ACSF3: variants seen among roughly 807,000 people sequenced by gnomAD.
ACSF3 encodes the protein malonate--CoA ligase ACSF3, mitochondrial.
ACSF3 carries 78 observed loss-of-function variants against 53.2 expected under a neutral mutation model. That is an observed-to-expected ratio of 1.47 (90% confidence interval 1.22 to 1.77). The LOEUF is 1.77. ACSF3 is among the 40% of genes most tolerant of loss of function. ACSF3 has a pLI of 0.00. For missense variants in ACSF3, 937 were observed against 771.1 expected, an observed-to-expected ratio of 1.22 and a Z score of -2.55; for synonymous variants, 414 against 333.1, an observed-to-expected ratio of 1.24 and a Z score of -2.65.
intron 1 of ACSF3, among the ~76,000 whole-genome samples, chr16:89,096,411 G>A (rs149795231): frequency 2.0e-3 from 299 of 152,302 alleles, no homozygotes; most frequent in Middle Eastern, 0.014. Context: ...CAGGAAGACC[G>A]CGCACAGCCA....
Position 89,155,132 on chromosome 16 carries a change from G to A in ACSF3, c.*925G>A, listed in dbSNP as rs1396692706. The stretch of plus-strand genomic sequence containing the variant: ...ACCCACGTTGCATTTACTTAGCGGG[G>A]CCAATTCAGATGCACAGGGGCCACA... On this transcript the variant is annotated 3_prime_UTR_variant, in exon 11 of 11. Coordinates refer to ENST00000614302, the MANE Select transcript of ACSF3 (RefSeq NM_001243279.3). 2.2e-6 allele frequency: 1 copy of A among 454,130 alleles called. No homozygotes were observed. Among genetic ancestry groups the A allele is most frequent in the South Asian group, 1.6e-5 (1 of 64,474 alleles). The allele number at this position is 454,130 out of a possible 1,614,324, so 28.1% of individuals were successfully genotyped here. A position where few individuals can be genotyped will look rare whatever the true frequency, so the allele number is the denominator to read the frequency against.
At chr16:89,123,967 A>G (rs1385484089) in intron 7 of ACSF3, among the ~76,000 whole-genome samples, 1 of 152,082 alleles carries the variant, frequency 6.6e-6, no homozygotes, top group Non-Finnish European at 1.5e-5. Flanking sequence ...CACGGATAGC[A>G]CACGTAGTAC....
At chr16:89,137,905 C>G (rs1432726224) in intron 8 of ACSF3, among the ~76,000 whole-genome samples, 1 of 152,200 alleles carries the variant, frequency 6.6e-6, no homozygotes, top group African/African-American at 2.4e-5. Flanking sequence ...GGGGTAGGAG[C>G]AAGAGTCCGC....
intron 5 of ACSF3, 64 bp from the exon 6 acceptor site, chr16:89,114,275 G>T: frequency 6.2e-7 from 1 of 1,606,956 alleles, no homozygotes; most frequent in Non-Finnish European, 8.5e-7. Flanking sequence ...GGCTAAACCT[G>T]CCACCTTTGC....
chr16:89,140,599 T>G (rs1238882218), intron 8 of ACSF3, among the ~76,000 whole-genome samples: 1 of 152,202 alleles, frequency 6.6e-6, no homozygotes, highest in Non-Finnish European at 1.5e-5. Context: ...GGGATCGCGC[T>G]TTGGGTGCTG....
intron 6 of ACSF3, among the ~76,000 whole-genome samples, chr16:89,116,969 C>T (rs892669560): frequency 1.3e-5 from 2 of 152,172 alleles, no homozygotes; most frequent in African/African-American, 4.8e-5. Context: ...GAGTCTCTGT[C>T]CTTATCGTTG....
Position 89,100,732 on chromosome 16 carries a change from G to C in ACSF3, c.51G>C (p.Ala17=), listed in dbSNP as rs7201122. Residue 17 remains alanine (A), a synonymous_variant, in exon 3 of 11, where the codon GCG becomes GCC. Transcript: ENST00000614302. ...TCCGGCGCCTGGGCTGCGCCTTGGC[G>C]TCCTGCCGGCTGGCGCCTGCGAGAC... The part of the protein sequence containing the change: ...LTFRRLGCAL[A]SCRLAPARHR... The C allele has an allele frequency of 0.9, 1,446,877 of 1,604,146 alleles. 655,603 individuals carry two copies. Among genetic ancestry groups the C allele is most frequent in the Admixed American group, 0.94 (56,291 of 59,978 alleles).
In ACSF3 at chr16:89,101,213, G is replaced by A. The variant is rs758434859; in HGVS notation, c.532G>A (p.Ala178Thr). The part of the protein sequence containing the change: ...LPLTPAIYTG[A>T]VEEPAEVPVP... ...GCTCACACCAGCCATCTACACTGGA[G>A]CAGTAGAGGAACCGGCAGAGGTCCC... The change falls in exon 3 of 11, where the codon GCA becomes ACA. Residue 178 changes from alanine to threonine, a missense_variant. Coordinates refer to ENST00000614302, the MANE Select transcript of ACSF3 (RefSeq NM_001243279.3). 14 of 1,605,414 alleles carry A rather than the reference G, an allele frequency of 8.7e-6. No individual in the cohort carries two copies. In the South Asian group the frequency reaches 1.6e-4, roughly 18 times the overall value.
intron 8 of ACSF3, among the ~76,000 whole-genome samples, chr16:89,143,233 A>G (rs920941693): frequency 6.7e-6 from 1 of 149,240 alleles, no homozygotes; most frequent in Non-Finnish European, 1.5e-5. Context: ...CCCCGTGCGT[A>G]GCTGTGGTGC....
In ACSF3 at chr16:89,145,534, G is replaced by T. The variant is rs1038266641; in HGVS notation, c.1501+133G>T. On this transcript the variant is annotated intron_variant, in intron 9 of 10. Coordinates refer to ENST00000614302, the MANE Select transcript of ACSF3 (RefSeq NM_001243279.3). ...GGGGTCCCTGTGATGCTCACCTCTG[G>T]TCCCTGCCCTGGCCAGGGAACATGG... 1.0e-5 allele frequency: 12 copies of T among 1,149,098 alleles called. No homozygotes were observed. In the Admixed American group the frequency reaches 1.3e-4, roughly 13 times the overall value. 71.2% of individuals were successfully genotyped at this position (1,149,098 alleles called of 1,614,324 possible). A position where few individuals can be genotyped will look rare whatever the true frequency, so the allele number is the denominator to read the frequency against.
intron 8 of ACSF3, 51 bp from the exon 9 acceptor site, chr16:89,145,216 G>C: frequency 6.2e-7 from 1 of 1,613,916 alleles, no homozygotes; most frequent in Non-Finnish European, 8.5e-7. Flanking sequence ...TTCCTCAGGG[G>C]ACACCGTGGT....
chr16:89,124,519 G>A (rs1907539249), intron 7 of ACSF3, among the ~76,000 whole-genome samples: 1 of 151,246 alleles, frequency 6.6e-6, no homozygotes, highest in African/African-American at 2.4e-5. Context: ...CATGCTGCAT[G>A]TATGTGTGTG....
chr16:89,152,656 G>T (rs967638677), intron 10 of ACSF3: 2 of 152,158 alleles, frequency 1.3e-5, no homozygotes, highest in Non-Finnish European at 2.9e-5. Context: ...ACATAGGACA[G>T]CTGGGTGTAA....
At chr16:89,142,323 C>T (rs1911927954) in intron 8 of ACSF3, among the ~76,000 whole-genome samples, 1 of 152,168 alleles carries the variant, frequency 6.6e-6, no homozygotes, top group South Asian at 2.1e-4. Flanking sequence ...GGGAGAGACC[C>T]CCAAACAAGG....
chr16:89,130,115 C>G (rs578091452), intron 7 of ACSF3, among the ~76,000 whole-genome samples: 1 of 152,350 alleles, frequency 6.6e-6, no homozygotes, highest in East Asian at 1.9e-4. Flanking sequence ...CAGTTTCTTT[C>G]TGTCTGAAGG....
At chr16:89,102,436 G>C (rs1267567597) in intron 3 of ACSF3, 168 bp from the exon 4 acceptor site, 5 of 749,282 alleles carry the variant, frequency 6.7e-6, no homozygotes, top group Non-Finnish European at 1.1e-5. Flanking sequence ...CTGTGGTTTT[G>C]TCGTCATCTT....
In ACSF3 at chr16:89,112,126, G is replaced by C. The variant is rs371654377; in HGVS notation, c.857G>C (p.Arg286Pro). 1.7e-5 allele frequency: 19 copies of C among 1,102,398 alleles called. No individual in the cohort carries two copies. Among genetic ancestry groups the C allele is most frequent in the Non-Finnish European group, 2.1e-5 (19 of 891,646 alleles). The allele number at this position is 1,102,398 out of a possible 1,614,324, so 68.3% of individuals were successfully genotyped here. ...AAGTTCTTAAGTTCTGAAACGCCGC[G>C]GATCAATGTCTTTATGGCAGTGCCT... ...WEKFLSSETP[R>P]INVFMAVPTI... The change falls in exon 5 of 11, where the codon CGG (arginine) becomes CCG (proline). Residue 286 changes from arginine (R) to proline (P), a missense_variant. Transcript: ENST00000614302.
intron 4 of ACSF3, among the ~76,000 whole-genome samples, chr16:89,105,664 C>T (rs1355952205): frequency 1.3e-5 from 2 of 152,224 alleles, no homozygotes; most frequent in East Asian, 3.8e-4. Flanking sequence ...GGCCCTGAAC[C>T]TCTGTTGGGG....
intron 2 of ACSF3, 116 bp downstream of exon 2, chr16:89,098,879 T>C: frequency 9.2e-6 from 4 of 436,308 alleles, no homozygotes; most frequent in South Asian, 6.4e-5. Flanking sequence ...TAACCTAATA[T>C]GTGTGTATTA....
Sources: gnomAD v4.1 joint callset for allele counts (sites outside exome capture counted in the v4.1 genomes callset) on GRCh38, gnomAD v4.1.1 for gene constraint, MANE v1.5 for transcripts, NCBI Gene and HGNC (gene_info 2026-07-23, HGNC 2026-07-21) for gene names.